ANK3: variants seen among roughly 807,000 people sequenced by gnomAD.
ANK3 encodes ankyrin 3, also known as ankyrin-3.
In ANK3, 57 loss-of-function variants were observed where a neutral mutation model predicts 370.9. The observed-to-expected ratio is 0.15, with a 90% confidence interval of 0.12 to 0.19. ANK3 has a LOEUF of 0.19. ANK3 is among the 10% of genes least tolerant of loss of function. The pLI, the probability that ANK3 is intolerant of heterozygous loss-of-function variation, is 1.00. For missense variants in ANK3, 4,439 were observed against 5,302.1 expected, an observed-to-expected ratio of 0.84 and a Z score of 5.06; for synonymous variants, 1,929 against 1,946.3, an observed-to-expected ratio of 0.99 and a Z score of 0.23.
At chr10:60,430,092 C>T (rs1382439504) in intron 2 of ANK3, among the ~76,000 whole-genome samples, 2 of 152,122 alleles carry the variant, frequency 1.3e-5, no homozygotes, top group Admixed American at 6.5e-5. Context: ...TTATCTGGCT[C>T]ATCAAAAAAT....
chr10:60,390,225 T>C (rs973916744), upstream of ANK3, among the ~76,000 whole-genome samples: 16 of 152,236 alleles, frequency 1.1e-4, no homozygotes, highest in Admixed American at 9.8e-4. Flanking sequence ...TCCTTTATGC[T>C]GAACTATCAA....
chr10:60,175,378 G>A (rs1051596261), intron 18 of ANK3, among the ~76,000 whole-genome samples: 4 of 152,186 alleles, frequency 2.6e-5, no homozygotes. Context: ...GCTCAGAGAG[G>A]TGGGACATGA....
At chr10:60,684,633 T>C in intron 1 of ANK3, 1 of 1,590,032 alleles carries the variant, frequency 6.3e-7, no homozygotes, top group Admixed American at 1.7e-5. Flanking sequence ...TGCAGTTCAA[T>C]GAATTTGTAA....
At position 60,395,252 on chromosome 10, in the gene ANK3, C is replaced by T. The variant is rs538345878; in HGVS notation, c.97-115613G>A. 6.6e-5 allele frequency among the ~76,000 whole-genome samples: 10 copies of T among 152,200 alleles called. No individual in the cohort carries two copies. The East Asian group carries it at 1.9e-3, about 29-fold the overall frequency. On this transcript the variant is annotated intron_variant, in intron 2 of 43. Coordinates refer to the ANK3 transcript ENST00000373827. ...TTACAAGATTTAGTACCAAAAAATGCAAAGTAGCTCAATGATTTTATATAT... is the reference window on the plus strand; with the variant it reads ...TTACAAGATTTAGTACCAAAAAATGTAAAGTAGCTCAATGATTTTATATAT...
chr10:60,173,512 C>T (rs1300332836), intron 18 of ANK3, among the ~76,000 whole-genome samples: 4 of 152,100 alleles, frequency 2.6e-5, no homozygotes, highest in East Asian at 1.9e-4. Flanking sequence ...GCTTCTTATT[C>T]GGGGTCAGAA....
At chr10:60,240,259 T>TAC (rs1565918246) in intron 7 of ANK3, among the ~76,000 whole-genome samples, 2 of 137,926 alleles carry the variant, frequency 1.5e-5, no homozygotes, top group African/African-American at 5.6e-5. Flanking sequence ...TATATACATA[T>TAC]ACACATATAT....
At chr10:60,348,050 A>C (rs2056022194) in intron 1 of ANK3, among the ~76,000 whole-genome samples, 1 of 152,092 alleles carries the variant, frequency 6.6e-6, no homozygotes, top group African/African-American at 2.4e-5. Context: ...TTGTACTTGA[A>C]GTGTCAGCCA....
intron 1 of ANK3, among the ~76,000 whole-genome samples, chr10:60,352,094 G>A (rs765245861): frequency 1.3e-5 from 2 of 152,086 alleles, no homozygotes; most frequent in Non-Finnish European, 2.9e-5. Context: ...TTGGGAGTTC[G>A]AGACCAGTCT....
intron 2 of ANK3, among the ~76,000 whole-genome samples, chr10:60,615,002 G>A (rs1204305583): frequency 2.6e-5 from 4 of 152,112 alleles, no homozygotes; most frequent in Admixed American, 1.3e-4. Flanking sequence ...TCCACTAGGC[G>A]AGAGTATAAA....
chr10:60,309,519 A>C (rs2045890188), intron 1 of ANK3, among the ~76,000 whole-genome samples: 3 of 152,206 alleles, frequency 2.0e-5, no homozygotes. Flanking sequence ...TTAGCAGAAG[A>C]ACAAGACCTT....
chr10:60,213,353 G>T, intron 9 of ANK3, 59 bp downstream of exon 9: 2 of 1,197,180 alleles, frequency 1.7e-6, no homozygotes, highest in Non-Finnish European at 2.5e-6. Flanking sequence ...CAAAAGGCTA[G>T]ATCATATAAC....
intron 2 of ANK3, among the ~76,000 whole-genome samples, chr10:60,509,091 A>G (rs771688139): frequency 3.9e-5 from 6 of 152,144 alleles, no homozygotes; most frequent in African/African-American, 7.2e-5. Flanking sequence ...AGCCGTAAAT[A>G]GAGCAGCAAA....
At chr10:60,111,983 A>G (rs2092745954) in intron 26 of ANK3, among the ~76,000 whole-genome samples, 1 of 152,204 alleles carries the variant, frequency 6.6e-6, no homozygotes, top group Admixed American at 6.5e-5. Flanking sequence ...CTAAGTGCAC[A>G]CCAGGTCTAT....
chr10:60,034,309 C>T (rs1342966669), intron 43 of ANK3, among the ~76,000 whole-genome samples: 2 of 151,828 alleles, frequency 1.3e-5, no homozygotes, highest in Non-Finnish European at 1.5e-5. Flanking sequence ...GGTTTCACCA[C>T]GCTGGCCAGG....
intron 1 of ANK3, among the ~76,000 whole-genome samples, chr10:60,289,316 G>A (rs956940876): frequency 6.3e-5 from 9 of 142,844 alleles, no homozygotes; most frequent in South Asian, 2.2e-4. Flanking sequence ...TGCCCAGGCT[G>A]TATTCAAGCT....
chr10:60,220,859 A>G (rs1417528279), intron 8 of ANK3, among the ~76,000 whole-genome samples: 2 of 152,186 alleles, frequency 1.3e-5, no homozygotes, highest in African/African-American at 2.4e-5. Context: ...ATATCTTACC[A>G]GTGTCTGACT....
chr10:60,638,607 CAA>C (rs540201992), intron 1 of ANK3, among the ~76,000 whole-genome samples: 164 of 151,754 alleles, frequency 1.1e-3, no homozygotes, highest in African/African-American at 3.7e-3. Context: ...AAAATGTTAA[CAA>C]AGTTATTTAA....
intron 1 of ANK3, among the ~76,000 whole-genome samples, chr10:60,659,967 C>T (rs10994462): frequency 0.28 from 42,584 of 151,842 alleles, 6,777 homozygotes; most frequent in South Asian, 0.48. Flanking sequence ...CAGTAATCTG[C>T]CTGTTCTTAA....
intron 1 of ANK3, among the ~76,000 whole-genome samples, chr10:60,337,198 G>A (rs186304233): frequency 5.3e-5 from 8 of 152,202 alleles, no homozygotes; most frequent in African/African-American, 1.9e-4. Context: ...GAACTTTAAA[G>A]TCCTTAAGTC....
Sources: gnomAD v4.1 joint callset for allele counts (sites outside exome capture counted in the v4.1 genomes callset) on GRCh38, gnomAD v4.1.1 for gene constraint, MANE v1.5 for transcripts, NCBI Gene and HGNC (gene_info 2026-07-23, HGNC 2026-07-21) for gene names.